Variants in SOHLH2 observed in about 807,000 individuals in gnomAD.
SOHLH2 encodes the protein spermatogenesis- and oogenesis-specific basic helix-loop-helix-containing protein 2.
Under a neutral mutation model 50.4 loss-of-function variants are expected in SOHLH2, and 22 were observed. The observed-to-expected ratio is 0.44, with a 90% CI of 0.31 to 0.62. SOHLH2 has a LOEUF of 0.62. Among genes scored for constraint, SOHLH2 ranks in the 20% least tolerant of loss-of-function variants. SOHLH2 has a pLI of 0.08. For synonymous variants in SOHLH2, 185 were observed against 187.3 expected (o/e 0.99, Z 0.10); for missense variants, 412 against 504.4 (o/e 0.82, Z 1.76).
chr13:36,196,434 A>G (rs1363980037), intron 2 of SOHLH2, among the ~76,000 whole-genome samples: 6 of 152,220 alleles, frequency 3.9e-5, no homozygotes, highest in East Asian at 1.9e-4. Context: ...CCTCGTATAC[A>G]TATTTTTAGG....
At chr13:36,198,125 G>A (rs1344149511) in intron 2 of SOHLH2, among the ~76,000 whole-genome samples, 3 of 152,158 alleles carry the variant, frequency 2.0e-5, no homozygotes, top group Non-Finnish European at 2.9e-5. Context: ...GCTACATGGG[G>A]AAGAAATGAA....
intron 9 of SOHLH2, among the ~76,000 whole-genome samples, chr13:36,171,263 GTAAAA>G (rs1460833511): frequency 1.3e-5 from 2 of 152,032 alleles, no homozygotes; most frequent in African/African-American, 2.4e-5. Context: ...AATATTGAAA[GTAAAA>G]TAATATAATG....
intron 2 of SOHLH2, among the ~76,000 whole-genome samples, chr13:36,197,112 T>C (rs1367604786): frequency 6.6e-6 from 1 of 152,230 alleles, no homozygotes; most frequent in Admixed American, 6.5e-5. Flanking sequence ...TCCTCTTCTA[T>C]ATACCAAAAT....
In SOHLH2 at chr13:36,183,014, T is replaced by C. The variant is rs1179348428; in HGVS notation, c.641+6932A>G. 5 of 168,342 alleles carry C rather than the reference T, an allele frequency of 3.0e-5. No homozygotes were observed. In the Middle Eastern group the frequency reaches 1.7e-3, roughly 56 times the overall value. The allele number at this position is 168,342 out of a possible 1,614,324, so 10.4% of individuals were successfully genotyped here. A position where few individuals can be genotyped will look rare whatever the true frequency, so the allele number is the denominator to read the frequency against. On this transcript the variant is annotated intron_variant, in intron 6 of 10. Coordinates refer to ENST00000379881, the MANE Select transcript of SOHLH2 (RefSeq NM_017826.3). ...TAGCTTAGCGCCATCCCCTTGGTGA[T>C]GAGTGAGTTCTCACTCAGTTCATGC...
chr13:36,170,519 C>G lies in SOHLH2; in HGVS notation c.1257+12G>C. The G allele has an allele frequency of 1.2e-6, 2 of 1,612,068 alleles. No individual in the cohort carries two copies. Among genetic ancestry groups the G allele is most frequent in the Non-Finnish European group, 1.7e-6 (2 of 1,178,838 alleles). On this transcript the variant is annotated intron_variant, in intron 10 of 10. Transcript: ENST00000379881. ...AGGGTCCAATCTGATCCATGGACCC[C>G]TGGAAACTTACCAGACAGTTGGGAT...
intron 2 of SOHLH2, among the ~76,000 whole-genome samples, chr13:36,199,659 C>A (rs1355469139): frequency 6.6e-6 from 1 of 152,222 alleles, no homozygotes; most frequent in Non-Finnish European, 1.5e-5. Flanking sequence ...GCTAAGAAAT[C>A]TTAAGCTATG....
At position 36,170,729 on chromosome 13, in the gene SOHLH2, G is replaced by A. The variant is rs1362446286; in HGVS notation, c.1059C>T (p.Ser353=). ...AGGAATTCAGAGACAGCGCTGCACT[G>A]GAAATGTGAGTTTTATATGGATCAC... ...AIGDPYKTHI[S]SAALSLNSLH... is the part of the protein sequence containing the mutation. Residue 353 remains serine, a synonymous_variant, in exon 10 of 11, where the codon TCC becomes TCT. Coordinates refer to ENST00000379881, the MANE Select transcript of SOHLH2 (RefSeq NM_017826.3). 1.9e-6 allele frequency: 3 copies of A among 1,614,180 alleles called. No homozygotes were observed. The highest frequency in any genetic ancestry group is 2.5e-6 in the Non-Finnish European group (3 of 1,180,020).
chr13:36,196,832 C>T (rs1000840908), intron 2 of SOHLH2, among the ~76,000 whole-genome samples: 5 of 152,092 alleles, frequency 3.3e-5, no homozygotes, highest in African/African-American at 1.2e-4. Flanking sequence ...TTGTTATTAG[C>T]ACAGAATCAA....
intron 10 of SOHLH2, among the ~76,000 whole-genome samples, chr13:36,169,433 A>G (rs927629318): frequency 7.2e-5 from 11 of 152,184 alleles, no homozygotes; most frequent in Non-Finnish European, 1.3e-4. Context: ...TTTCTTACAA[A>G]TATCTTTTGG....
intron 6 of SOHLH2, among the ~76,000 whole-genome samples, chr13:36,188,995 T>C (rs1473231329): frequency 6.6e-6 from 1 of 152,204 alleles, no homozygotes; most frequent in East Asian, 1.9e-4. Context: ...AAAATAAAAA[T>C]ATATTTACCT....
Position 36,202,065 on chromosome 13 carries a change from T to C in SOHLH2, c.77A>G (p.Asp26Gly). Residue 26 changes from aspartate (D) to glycine (G), a missense_variant, in exon 2 of 11, where the codon GAT (aspartate) becomes GGT (glycine). Coordinates refer to ENST00000379881, the MANE Select transcript of SOHLH2 (RefSeq NM_017826.3). ...QAKIDILLVG[D>G]VTVGYLADTV... ...ATCAGCCAGGTAGCCCACAGTGACA[T>C]CTCCAACTAATAAGATGTCTATTTT... The C allele has an allele frequency of 6.2e-7, 1 of 1,614,180 alleles. No individual in the cohort carries two copies. The highest frequency in any genetic ancestry group is 8.5e-7 in the Non-Finnish European group (1 of 1,180,044).
intron 6 of SOHLH2, among the ~76,000 whole-genome samples, chr13:36,181,274 T>C (rs1887248892): frequency 6.6e-6 from 1 of 152,126 alleles, no homozygotes; most frequent in African/African-American, 2.4e-5. Flanking sequence ...AGACAGTAGA[T>C]AGCTGGGTCT....
intron 1 of SOHLH2, 134 bp from the exon 2 acceptor site, chr13:36,202,227 G>A: frequency 8.9e-7 from 1 of 1,119,376 alleles, no homozygotes; most frequent in Non-Finnish European, 1.3e-6. Context: ...TGACTGGCTA[G>A]ATGGTCAACT....
intron 6 of SOHLH2, among the ~76,000 whole-genome samples, chr13:36,188,306 T>C (rs534223554): frequency 9.4e-4 from 143 of 152,368 alleles, no homozygotes; most frequent in African/African-American, 3.4e-3. Context: ...AATCTTGTTT[T>C]AATTTTTATG....
At position 36,191,858 on chromosome 13, in the gene SOHLH2, C is replaced by A. The variant is rs771856390; in HGVS notation, c.467G>T (p.Gly156Val). The A allele has an allele frequency of 6.2e-7, 1 of 1,614,016 alleles. No homozygotes were observed. The highest frequency in any genetic ancestry group is 1.1e-5 in the South Asian group (1 of 91,080). ...TENATGPEEL[G>V]LPLQRSYSEH... ...GCTGTAGGACCTCTGCAGGGGCAAT[C>A]CAAGTTCTTCAGGCCCAGTTGCGTT... The change falls in exon 5 of 11, where the codon GGA becomes GTA. Residue 156 changes from glycine to valine, a missense_variant. Gly to Val is a moderately radical substitution (Grantham distance 109, BLOSUM62 -3). Transcript: ENST00000379881.
chr13:36,179,221 G>C (rs573546320), intron 6 of SOHLH2, among the ~76,000 whole-genome samples: 6 of 152,274 alleles, frequency 3.9e-5, no homozygotes, highest in African/African-American at 1.4e-4. Flanking sequence ...TTATCACTAA[G>C]TACAATGTTA....
chr13:36,169,058 C>A lies in SOHLH2; in HGVS notation c.1258-4G>T. ...TTTAATACGCCCAAAACTGTTGCTG[C>A]AAAGAAGGGGGAAAAACCCACATTA... On this transcript the variant is annotated splice_polypyrimidine_tract_variant and splice_region_variant and intron_variant, in intron 10 of 10. Transcript: ENST00000379881. 1 of 1,606,206 alleles carries A rather than the reference C, an allele frequency of 6.2e-7. No individual in the cohort carries two copies.
intron 1 of SOHLH2, among the ~76,000 whole-genome samples, chr13:36,205,120 C>T (rs75933854): frequency 0.035 from 5,288 of 152,254 alleles, 117 homozygotes; most frequent in South Asian, 0.11. Flanking sequence ...AAGGAACTTG[C>T]TTCAAGTAAT....
At chr13:36,185,983 T>C (rs865989179) in intron 6 of SOHLH2, among the ~76,000 whole-genome samples, 74 of 152,348 alleles carry the variant, frequency 4.9e-4, no homozygotes, top group African/African-American at 1.8e-3. Flanking sequence ...GTTTTCCATT[T>C]CATTTTATAT....
Sources: gnomAD v4.1 joint callset for allele counts (sites outside exome capture counted in the v4.1 genomes callset) on GRCh38, gnomAD v4.1.1 for gene constraint, MANE v1.5 for transcripts, NCBI Gene and HGNC (gene_info 2026-07-23, HGNC 2026-07-21) for gene names.